Variants in DRC11 observed in about 807,000 individuals in gnomAD.
DRC11 encodes the protein dynein regulatory complex subunit 11, also known as IQ and AAA domain-containing protein 1.
chr2:236,416,728 TA>T, the DRC11 span, among the ~76,000 whole-genome samples: 7 of 29,750 alleles, frequency 2.4e-4, no homozygotes, highest in Non-Finnish European at 3.4e-4. Context: ...TATTTATATA[TA>T]TATATATATA....
chr2:236,457,664 A>C, the DRC11 span, among the ~76,000 whole-genome samples: 1 of 152,192 alleles, frequency 6.6e-6, no homozygotes, highest in Non-Finnish European at 1.5e-5. The surrounding 1 kb of genome is among the most constrained non-coding windows in gnomAD (Gnocchi z 4.7). Context: ...TGCAGTCCTA[A>C]GTGTCCTATA....
the DRC11 span, chr2:236,503,814 C>T: frequency 1.1e-5 from 10 of 924,784 alleles, no homozygotes; most frequent in Non-Finnish European, 1.7e-5. The surrounding 1 kb of genome is among the most constrained non-coding windows in gnomAD (Gnocchi z 4.9). Context: ...TGGGGAGCCC[C>T]CACTTTGCGC....
chr2:236,399,568 AG>A, the DRC11 span: 1 of 1,188,724 alleles, frequency 8.4e-7, no homozygotes, highest in Admixed American at 1.7e-5. This position sits in a 1 kb window ranked among gnomAD's most constrained non-coding sequence, Gnocchi z 7.0. Flanking sequence ...AACCGTGACG[AG>A]GGTCCATGCC....
chr2:236,387,091 T>C, the DRC11 span, among the ~76,000 whole-genome samples: 126 of 152,154 alleles, frequency 8.3e-4, 1 homozygote, highest in African/African-American at 2.6e-3. Flanking sequence ...CAGTATGTGG[T>C]CAATTTTGGA....
At chr2:236,506,738 A>C in the DRC11 span, among the ~76,000 whole-genome samples, 1 of 152,236 alleles carries the variant, frequency 6.6e-6, no homozygotes, top group Non-Finnish European at 1.5e-5. The surrounding 1 kb of genome is among the most constrained non-coding windows in gnomAD (Gnocchi z 4.9). Flanking sequence ...AGACCAAATG[A>C]GGTAACTTTG....
the DRC11 span, among the ~76,000 whole-genome samples, chr2:236,396,319 T>C: frequency 6.8e-6 from 1 of 146,146 alleles, no homozygotes; most frequent in Non-Finnish European, 1.5e-5. Context: ...GGGTTAATCT[T>C]AGTGATTAAA....
At chr2:236,388,172 G>C in the DRC11 span, among the ~76,000 whole-genome samples, 1 of 151,886 alleles carries the variant, frequency 6.6e-6, no homozygotes, top group Non-Finnish European at 1.5e-5. Flanking sequence ...GTATCTTTGT[G>C]GCGTTCTCTG....
the DRC11 span, among the ~76,000 whole-genome samples, chr2:236,307,974 GAC>G: frequency 6.6e-6 from 1 of 152,052 alleles, no homozygotes; most frequent in African/African-American, 2.4e-5. The surrounding 1 kb of genome is among the most constrained non-coding windows in gnomAD (Gnocchi z 7.0). Flanking sequence ...TGCTTGCAGT[GAC>G]ACAAGCGTCC....
the DRC11 span, among the ~76,000 whole-genome samples, chr2:236,321,961 G>A: frequency 2.6e-5 from 4 of 152,054 alleles, no homozygotes; most frequent in African/African-American, 9.7e-5. Context: ...GCTAAGATAG[G>A]GGAGCTAAAA....
At chr2:236,353,291 A>C in the DRC11 span, among the ~76,000 whole-genome samples, 1 of 152,204 alleles carries the variant, frequency 6.6e-6, no homozygotes, top group Non-Finnish European at 1.5e-5. This position sits in a 1 kb window ranked among gnomAD's most constrained non-coding sequence, Gnocchi z 5.0. Flanking sequence ...GTTGTGTGTC[A>C]ATTATGAAAT....
the DRC11 span, among the ~76,000 whole-genome samples, chr2:236,358,436 T>G: frequency 7.3e-6 from 1 of 137,534 alleles, no homozygotes; most frequent in African/African-American, 2.6e-5. Context: ...ATATATCATA[T>G]ATAAATATAC....
At chr2:236,467,038 C>A in the DRC11 span, among the ~76,000 whole-genome samples, 2 of 152,118 alleles carry the variant, frequency 1.3e-5, no homozygotes, top group Non-Finnish European at 2.9e-5. Context: ...TTTCCAGTTC[C>A]TTTTTTGCAA....
the DRC11 span, chr2:236,497,573 T>C: frequency 1.2e-5 from 11 of 881,608 alleles, no homozygotes; most frequent in South Asian, 1.8e-5. The surrounding 1 kb of genome is among the most constrained non-coding windows in gnomAD (Gnocchi z 5.1). Context: ...TATAGCAAAA[T>C]ATAACACAGA....
At chr2:236,402,340 A>G in the DRC11 span, among the ~76,000 whole-genome samples, 1 of 152,200 alleles carries the variant, frequency 6.6e-6, no homozygotes, top group Non-Finnish European at 1.5e-5. This position sits in a 1 kb window ranked among gnomAD's most constrained non-coding sequence, Gnocchi z 6.0. Context: ...TCTGTGGTCT[A>G]TTCCCCTGTG....
chr2:236,376,961 CAACA>C, the DRC11 span: 7 of 597,298 alleles, frequency 1.2e-5, 1 homozygote, highest in African/African-American at 1.3e-4. This position sits in a 1 kb window ranked among gnomAD's most constrained non-coding sequence, Gnocchi z 5.7. Context: ...CAATTCAATC[CAACA>C]AACATTTACC....
the DRC11 span, among the ~76,000 whole-genome samples, chr2:236,405,787 C>T: frequency 3.3e-5 from 5 of 152,284 alleles, no homozygotes; most frequent in East Asian, 7.7e-4. This position sits in a 1 kb window ranked among gnomAD's most constrained non-coding sequence, Gnocchi z 4.6. Flanking sequence ...TTTTCCTATA[C>T]AGAAACAGGC....
chr2:236,351,599 T>A, the DRC11 span, among the ~76,000 whole-genome samples: 1 of 152,160 alleles, frequency 6.6e-6, no homozygotes, highest in Non-Finnish European at 1.5e-5. The surrounding 1 kb of genome is among the most constrained non-coding windows in gnomAD (Gnocchi z 7.3). Flanking sequence ...ATCCTTTTTA[T>A]GTTACAGAAA....
chr2:236,334,561 C>T, the DRC11 span, among the ~76,000 whole-genome samples: 3 of 152,182 alleles, frequency 2.0e-5, no homozygotes, highest in Non-Finnish European at 4.4e-5. The surrounding 1 kb of genome is among the most constrained non-coding windows in gnomAD (Gnocchi z 7.8). Flanking sequence ...CTCCTCACAT[C>T]TTCAGACCAA....
At chr2:236,439,484 G>C in the DRC11 span, among the ~76,000 whole-genome samples, 3 of 152,072 alleles carry the variant, frequency 2.0e-5, no homozygotes, top group South Asian at 6.2e-4. Context: ...GTACTTTATT[G>C]AGTCTTTTTA....
Sources: allele counts gnomAD v4.1 joint callset (sites outside exome capture counted in the v4.1 genomes callset), GRCh38; gene constraint gnomAD v4.1.1; non-coding constraint Gnocchi (gnomAD v3.1); transcripts MANE v1.5; gene names NCBI Gene and HGNC (gene_info 2026-07-23, HGNC 2026-07-21).